The following CDH12 variants were observed in gnomAD, a reference collection of about 807,000 sequenced individuals.
CDH12 encodes cadherin 12.
A neutral mutation model predicts 74.1 loss-of-function variants in CDH12; 41 were observed. The ratio of observed to expected loss-of-function variants is 0.55; its 90% CI spans 0.43 to 0.72. The LOEUF is 0.72. Ranked by LOEUF, CDH12 falls within the 30% of genes least tolerant of loss-of-function variation. CDH12 has a pLI of 0.00. For missense variants in CDH12, 945 were observed against 977.2 expected (o/e 0.97, Z 0.44); for synonymous variants, 399 against 355.0 (o/e 1.12, Z -1.39).
chr5:22,521,704 T>C (rs1337034477), intron 1 of CDH12, among the ~76,000 whole-genome samples: 1 of 152,206 alleles, frequency 6.6e-6, no homozygotes, highest in Admixed American at 6.5e-5. Context: ...ACATGGTCTC[T>C]GTTGCAACTC....
intron 1 of CDH12, among the ~76,000 whole-genome samples, chr5:22,586,401 T>C (rs1467856875): frequency 6.6e-6 from 1 of 151,910 alleles, no homozygotes; most frequent in Admixed American, 6.6e-5. Context: ...GATGAGTTAA[T>C]GGGTGCAGCA....
At chr5:22,327,438 G>GTGTGTA (rs1739168784) in intron 3 of CDH12, among the ~76,000 whole-genome samples, 1 of 147,434 alleles carries the variant, frequency 6.8e-6, no homozygotes, top group Non-Finnish European at 1.5e-5. Flanking sequence ...CTGTGTGTGT[G>GTGTGTA]TGTGTGTGTG....
At chr5:22,283,217 G>GATAT (rs1309819565) in intron 3 of CDH12, among the ~76,000 whole-genome samples, 3 of 78,092 alleles carry the variant, frequency 3.8e-5, no homozygotes, top group African/African-American at 1.5e-4. Flanking sequence ...TATATATATA[G>GATAT]ATATATATAT....
At chr5:22,280,990 C>A (rs1197502279) in intron 3 of CDH12, among the ~76,000 whole-genome samples, 3 of 152,152 alleles carry the variant, frequency 2.0e-5, no homozygotes, top group Non-Finnish European at 4.4e-5. Flanking sequence ...TACTGGCAAA[C>A]CGAATCCAGC....
chr5:22,283,243 T>TAG (rs1561281683), intron 3 of CDH12, among the ~76,000 whole-genome samples: 85 of 119,156 alleles, frequency 7.1e-4, no homozygotes, highest in African/African-American at 2.9e-3. Flanking sequence ...TATATATATA[T>TAG]ATATATATAC....
At chr5:21,816,650 A>AAAAAAAAAAAAAAAAAAAAAAAAAT (rs1561209134) in intron 9 of CDH12, among the ~76,000 whole-genome samples, 1 of 145,552 alleles carries the variant, frequency 6.9e-6, no homozygotes. Context: ...AAAAAAAAAA[A>AAAAAAAAAAAAAAAAAAAAAAAAAT]AAAGAATAGA....
chr5:22,250,107 C>G (rs1753085724), intron 3 of CDH12, among the ~76,000 whole-genome samples: 1 of 151,776 alleles, frequency 6.6e-6, no homozygotes, highest in Non-Finnish European at 1.5e-5. Flanking sequence ...AGCATGGTGT[C>G]TATGAGAAAG....
At chr5:22,220,698 T>C (rs1751983672) in intron 3 of CDH12, among the ~76,000 whole-genome samples, 1 of 151,680 alleles carries the variant, frequency 6.6e-6, no homozygotes, top group Non-Finnish European at 1.5e-5. Flanking sequence ...AAAATTTAGA[T>C]AGCTACATAA....
chr5:22,209,889 G>C (rs1266928051), intron 4 of CDH12, among the ~76,000 whole-genome samples: 1 of 152,130 alleles, frequency 6.6e-6, no homozygotes, highest in Non-Finnish European at 1.5e-5. Context: ...GTATAGTATA[G>C]AGTGTATGAG....
chr5:21,809,555 C>T (rs1307423542), intron 9 of CDH12, among the ~76,000 whole-genome samples: 1 of 152,090 alleles, frequency 6.6e-6, no homozygotes, highest in African/African-American at 2.4e-5. Flanking sequence ...AATTATCTTC[C>T]TTCTTTGAGC....
chr5:21,963,093 CGATAGATAGATA>C (rs199706779), intron 6 of CDH12, among the ~76,000 whole-genome samples: 34,236 of 150,796 alleles, frequency 0.23, 5,771 homozygotes, highest in African/African-American at 0.47. Context: ...TTACAAATAT[CGATAGATAGATA>C]GATAGATAGA....
intron 3 of CDH12, among the ~76,000 whole-genome samples, chr5:22,282,945 T>C (rs544077534): frequency 6.6e-6 from 1 of 151,896 alleles, no homozygotes; most frequent in Non-Finnish European, 1.5e-5. Flanking sequence ...CACACGTATG[T>C]TTATTGGGGC....
intron 4 of CDH12, among the ~76,000 whole-genome samples, chr5:22,119,721 C>T (rs1464338628): frequency 2.0e-5 from 3 of 152,014 alleles, no homozygotes; most frequent in Admixed American, 6.6e-5. Flanking sequence ...ATCCATGCCT[C>T]GATTATCTTT....
intron 4 of CDH12, chr5:22,139,324 CA>C (rs1478468115): frequency 6.9e-6 from 1 of 145,294 alleles, no homozygotes; most frequent in Non-Finnish European, 1.5e-5. Context: ...TGAAGGAGCC[CA>C]AGGGTTTAAA....
At chr5:22,738,759 T>G (rs1744869801) in intron 1 of CDH12, among the ~76,000 whole-genome samples, 1 of 152,058 alleles carries the variant, frequency 6.6e-6, no homozygotes, top group Non-Finnish European at 1.5e-5. Context: ...TCATAGGGAC[T>G]TATATTAATA....
chr5:22,055,974 C>T (rs904502527), intron 5 of CDH12, among the ~76,000 whole-genome samples: 1 of 152,024 alleles, frequency 6.6e-6, no homozygotes, highest in Non-Finnish European at 1.5e-5. Context: ...TGAATTTAAA[C>T]ATTGATGTTC....
intron 4 of CDH12, among the ~76,000 whole-genome samples, chr5:22,171,916 G>T (rs1371028347): frequency 6.6e-6 from 1 of 152,042 alleles, no homozygotes; most frequent in East Asian, 1.9e-4. Flanking sequence ...AATCAGTTAA[G>T]GAAGAATTGA....
chr5:22,071,740 C>T (rs542674378), intron 5 of CDH12, among the ~76,000 whole-genome samples: 1 of 152,202 alleles, frequency 6.6e-6, no homozygotes, highest in African/African-American at 2.4e-5. Flanking sequence ...CTATGATATA[C>T]TTCACCTGTG....
chr5:22,831,619 G>A (rs992057125), intron 1 of CDH12, among the ~76,000 whole-genome samples: 9 of 151,984 alleles, frequency 5.9e-5, no homozygotes, highest in African/African-American at 1.9e-4. Flanking sequence ...AAATCCAGCC[G>A]GGTACGGTGG....
Sources: gnomAD v4.1 joint callset for allele counts (sites outside exome capture counted in the v4.1 genomes callset) on GRCh38, gnomAD v4.1.1 for gene constraint, MANE v1.5 for transcripts, NCBI Gene and HGNC (gene_info 2026-07-23, HGNC 2026-07-21) for gene names.